TDRD10: variants seen among roughly 807,000 people sequenced by gnomAD.
TDRD10 encodes the protein tudor domain-containing protein 10.
In TDRD10, 40 loss-of-function variants were observed where a neutral mutation model predicts 48.0. The observed-to-expected ratio is 0.83, with a 90% CI of 0.65 to 1.09. TDRD10 has a LOEUF of 1.09. Among genes scored for constraint, TDRD10 ranks in the 50% least tolerant of loss-of-function variants. The pLI is 0.00. For synonymous variants in TDRD10, 162 were observed against 170.4 expected, an observed-to-expected ratio of 0.95 and a Z score of 0.38; for missense variants, 378 against 434.7, an observed-to-expected ratio of 0.87 and a Z score of 1.16.
chr1:154,521,498 C>T lies in TDRD10; in HGVS notation c.369+19C>T. 4 of 1,611,948 alleles carry T rather than the reference C, an allele frequency of 2.5e-6. No individual in the cohort carries two copies. The highest frequency in any genetic ancestry group is 3.4e-6 in the Non-Finnish European group (4 of 1,179,538). The stretch of plus-strand genomic sequence containing the variant: ...CCCGCTGGTATGTCTTCTGGCCTTT[C>T]TGCTCTGGGGCGTTCCATTTTCACC... On this transcript the variant is annotated intron_variant, in intron 6 of 12. Coordinates refer to ENST00000368482, the MANE Select transcript of TDRD10 (RefSeq NM_182499.4).
intron 6 of TDRD10, among the ~76,000 whole-genome samples, chr1:154,532,023 T>C (rs1305530957): frequency 6.6e-6 from 1 of 152,194 alleles, no homozygotes; most frequent in East Asian, 1.9e-4. Flanking sequence ...CCCAGCTGGC[T>C]TCACCCAGTG....
intron 5 of TDRD10, 129 bp from the exon 6 acceptor site, chr1:154,521,194 A>T (rs1026349415): frequency 6.6e-6 from 6 of 909,890 alleles, no homozygotes; most frequent in Non-Finnish European, 1.0e-5. Context: ...CTTGCTTGTG[A>T]ACAGTTCATC....
At chr1:154,532,870 T>G (rs1280740098) in intron 6 of TDRD10, among the ~76,000 whole-genome samples, 1 of 152,202 alleles carries the variant, frequency 6.6e-6, no homozygotes, top group Non-Finnish European at 1.5e-5. Flanking sequence ...AGCGAGCCCC[T>G]TGTTACTGCC....
chr1:154,543,453 C>T (rs1390702902), intron 8 of TDRD10, among the ~76,000 whole-genome samples: 2 of 152,170 alleles, frequency 1.3e-5, no homozygotes, highest in Non-Finnish European at 2.9e-5. Context: ...CTCAGTTTGA[C>T]TTGAAATGCT....
intron 6 of TDRD10, among the ~76,000 whole-genome samples, chr1:154,523,574 C>T (rs1454743535): frequency 6.6e-6 from 1 of 152,196 alleles, no homozygotes; most frequent in African/African-American, 2.4e-5. Context: ...CATTGGCTCA[C>T]GTAGGCACAC....
At chr1:154,543,278 A>G (rs576082101) in intron 8 of TDRD10, among the ~76,000 whole-genome samples, 1 of 152,196 alleles carries the variant, frequency 6.6e-6, no homozygotes, top group East Asian at 1.9e-4. Flanking sequence ...CCATCTCAAA[A>G]TAAATAAATA....
chr1:154,508,273 G>C, intron 3 of TDRD10, 150 bp from the exon 4 acceptor site: 1 of 648,068 alleles, frequency 1.5e-6, no homozygotes, highest in Non-Finnish European at 2.8e-6. Context: ...CCAGGACTTT[G>C]GGAGACTGAG....
rs2149309998 is a variant in TDRD10, at chr1:154,506,779, G to A, written c.-27-98G>A. ...ATTAGGATGTGGACCACTTTTGGTT[G>A]GGGAGGCATTATTCTGCTTACCACA... is the stretch of plus-strand genomic sequence containing the variant. On this transcript the variant is annotated intron_variant, in intron 1 of 12. Coordinates refer to ENST00000368482, the MANE Select transcript of TDRD10 (RefSeq NM_182499.4). 6.8e-6 allele frequency: 7 copies of A among 1,026,000 alleles called. 1 individual carries two copies. The South Asian group carries it at 9.2e-5, about 13-fold the overall frequency. 63.6% of individuals were successfully genotyped at this position (1,026,000 alleles called of 1,614,324 possible).
chr1:154,547,608 A>G, intron 12 of TDRD10, 70 bp from the exon 13 acceptor site: 1 of 1,614,198 alleles, frequency 6.2e-7, no homozygotes, highest in South Asian at 1.1e-5. Context: ...CGAACTGGTT[A>G]TCTGAGGGGT....
chr1:154,507,358 T>C lies in TDRD10; in HGVS notation c.82+38T>C, dbSNP rs747273917. ...GGGGGATTCGCTGGTGCTGGGACTC[T>C]CATCCTACAACTTGGATTCCAGTTA... is the stretch of plus-strand genomic sequence containing the variant. On this transcript the variant is annotated intron_variant, in intron 3 of 12. Transcript: ENST00000368482. The C allele has an allele frequency of 6.8e-6, 11 of 1,608,548 alleles. No homozygotes were observed. The South Asian group carries it at 1.2e-4, about 18-fold the overall frequency.
In TDRD10 at chr1:154,547,901, T is replaced by C; in HGVS notation, c.*191T>C. The C allele has an allele frequency of 1.6e-6, 1 of 643,916 alleles. No homozygotes were observed. The highest frequency in any genetic ancestry group is 2.7e-6 in the Non-Finnish European group (1 of 372,802). 39.9% of individuals were successfully genotyped at this position (643,916 alleles called of 1,614,324 possible). A position where few individuals can be genotyped will look rare whatever the true frequency, so the allele number is the denominator to read the frequency against. Reference sequence around the variant, plus strand: ...AGAGAGTGAAGTCTCATTTGTCATGTGTCTTCAGTTCCCCAACTTGGCATG... The same window carrying C: ...AGAGAGTGAAGTCTCATTTGTCATGCGTCTTCAGTTCCCCAACTTGGCATG... On this transcript the variant is annotated 3_prime_UTR_variant, in exon 13 of 13. Coordinates refer to ENST00000368482, the MANE Select transcript of TDRD10 (RefSeq NM_182499.4).
At chr1:154,521,605 C>T in intron 6 of TDRD10, 126 bp downstream of exon 6, 8 of 1,118,056 alleles carry the variant, frequency 7.2e-6, no homozygotes, top group Non-Finnish European at 7.7e-6. Flanking sequence ...GGCAGGGTCT[C>T]GGGTGAAGTC....
intron 4 of TDRD10, among the ~76,000 whole-genome samples, chr1:154,515,208 G>A (rs934120640): frequency 6.6e-6 from 1 of 151,970 alleles, no homozygotes; most frequent in Admixed American, 6.6e-5. Flanking sequence ...ATGTTGCTCA[G>A]GCTGGTCTCA....
chr1:154,525,792 G>A (rs925184430), intron 6 of TDRD10, among the ~76,000 whole-genome samples: 3 of 151,692 alleles, frequency 2.0e-5, no homozygotes, highest in African/African-American at 7.3e-5. Flanking sequence ...CTACTTGGGA[G>A]GCTGAGGCAG....
At chr1:154,506,996 A>C (rs1570889331) in intron 2 of TDRD10, 91 bp downstream of exon 2, 1 of 1,612,072 alleles carries the variant, frequency 6.2e-7, no homozygotes, top group South Asian at 1.1e-5. Flanking sequence ...CCCTGGTCTT[A>C]AGAGTCACCC....
chr1:154,506,655 C>T (rs1284223605), intron 1 of TDRD10, among the ~76,000 whole-genome samples: 2 of 152,334 alleles, frequency 1.3e-5, no homozygotes, highest in South Asian at 2.1e-4. Context: ...GGGTTACAGG[C>T]GTGAGCCACA....
rs781552445 is a variant in TDRD10 at position 154,544,384 on chromosome 1, A to C, written c.664A>C (p.Asn222His). The C allele has an allele frequency of 6.3e-7, 1 of 1,587,468 alleles. No individual in the cohort carries two copies. Among genetic ancestry groups the C allele is most frequent in the Non-Finnish European group, 8.6e-7 (1 of 1,167,198 alleles). ...TTGCACCCCACAGGCTCTGCACCAG[A>C]ACATGCAGGCTCTGTTTAGCACCCT... Reference protein sequence around the residue: ...AMHVTEALHQNMQALFSTLAQ... With the variant: ...AMHVTEALHQHMQALFSTLAQ... Residue 222 changes from asparagine to histidine, a missense_variant, in exon 10 of 13, where the codon AAC (asparagine) becomes CAC (histidine). Around this residue, in one of 2 missense-constraint regions of TDRD10, gnomAD observed 310 missense variants for 323.6 expected, o/e 0.96. Coordinates refer to ENST00000368482, the MANE Select transcript of TDRD10 (RefSeq NM_182499.4).
At position 154,544,400 on chromosome 1, in the gene TDRD10, T is replaced by G; in HGVS notation, c.680T>G (p.Phe227Cys). 5 of 1,595,522 alleles carry G rather than the reference T, an allele frequency of 3.1e-6. No homozygotes were observed. Among genetic ancestry groups the G allele is most frequent in the Non-Finnish European group, 3.4e-6 (4 of 1,171,674 alleles). Residue 227 changes from phenylalanine (F) to cysteine (C), a missense_variant, in exon 10 of 13, where the codon TTT becomes TGT. Physicochemically the swap from Phe to Cys is radical, Grantham distance 205. Around this residue, in one of 2 missense-constraint regions of TDRD10, gnomAD observed 310 missense variants for 323.6 expected, o/e 0.96. Transcript: ENST00000368482. ...CTGCACCAGAACATGCAGGCTCTGT[T>G]TAGCACCCTGGCTCAGGCGGAGGAG... is the stretch of plus-strand genomic sequence containing the variant. ...EALHQNMQAL[F>C]STLAQAEEQQ...
intron 11 of TDRD10, 95 bp downstream of exon 11, chr1:154,545,044 C>T: frequency 1.3e-6 from 2 of 1,498,350 alleles, no homozygotes; most frequent in Non-Finnish European, 1.8e-6. Flanking sequence ...TAGTGGGCGG[C>T]CAAGGTGCTT....
Sources: allele counts gnomAD v4.1 joint callset (sites outside exome capture counted in the v4.1 genomes callset), GRCh38; gene constraint gnomAD v4.1.1; regional missense constraint gnomAD v4.1.1; transcripts MANE v1.5; gene names NCBI Gene and HGNC (gene_info 2026-07-23, HGNC 2026-07-21).